Variants in NTM observed in about 807,000 individuals in gnomAD.
NTM encodes neurotrimin, also known as IgLON family member 2.
In NTM, 13 loss-of-function variants were observed where a neutral mutation model predicts 42.1. The ratio of observed to expected loss-of-function variants is 0.31; its 90% CI spans 0.20 to 0.49. The LOEUF is 0.49. Ranked by LOEUF, NTM falls within the 20% of genes least tolerant of loss-of-function variation. The pLI is 0.99. For missense variants in NTM, 373 were observed against 452.8 expected, an observed-to-expected ratio of 0.82 and a Z score of 1.60; for synonymous variants, 187 against 179.2, an observed-to-expected ratio of 1.04 and a Z score of -0.35.
chr11:132,069,877 G>C (rs1179573849), intron 2 of NTM, among the ~76,000 whole-genome samples: 1 of 148,916 alleles, frequency 6.7e-6, no homozygotes, highest in African/African-American at 2.5e-5. Context: ...ACGTCACACT[G>C]ACCGTCACAG....
chr11:132,138,254 ATCCTGCTT>A (rs2068338412), intron 2 of NTM, among the ~76,000 whole-genome samples: 1 of 152,202 alleles, frequency 6.6e-6, no homozygotes. Flanking sequence ...AAGCATGGAC[ATCCTGCTT>A]CCAGTACACA....
intron 3 of NTM, among the ~76,000 whole-genome samples, chr11:132,209,135 A>C (rs1230529867): frequency 6.6e-6 from 1 of 152,248 alleles, no homozygotes; most frequent in Non-Finnish European, 1.5e-5. Flanking sequence ...TGATCAATTT[A>C]AATGATTCCA....
intron 1 of NTM, among the ~76,000 whole-genome samples, chr11:131,380,351 G>A (rs986298986): frequency 2.6e-5 from 4 of 151,948 alleles, no homozygotes; most frequent in Middle Eastern, 3.4e-3. Flanking sequence ...GGGATTACAG[G>A]CATGTGCCAC....
At chr11:131,381,501 T>C (rs1273935109) in intron 1 of NTM, among the ~76,000 whole-genome samples, 1 of 152,258 alleles carries the variant, frequency 6.6e-6, no homozygotes, top group Admixed American at 6.5e-5. Flanking sequence ...TCCTTTTCCA[T>C]GAAAACTTCC....
chr11:131,973,410 G>A (rs2063842349), intron 2 of NTM, among the ~76,000 whole-genome samples: 1 of 152,228 alleles, frequency 6.6e-6, no homozygotes, highest in Admixed American at 6.5e-5. Context: ...GGCAAGACTG[G>A]TGAACCTTTA....
At chr11:131,647,894 G>T (rs956605839) in intron 1 of NTM, among the ~76,000 whole-genome samples, 7 of 152,152 alleles carry the variant, frequency 4.6e-5, no homozygotes, top group African/African-American at 1.7e-4. Context: ...ACATGTGCAG[G>T]TTTGTTAATA....
At chr11:132,085,838 G>A (rs1237716268) in intron 2 of NTM, among the ~76,000 whole-genome samples, 1 of 152,060 alleles carries the variant, frequency 6.6e-6, no homozygotes, top group Non-Finnish European at 1.5e-5. Flanking sequence ...GCTGTTTGTA[G>A]GCCCTGATAA....
intron 1 of NTM, among the ~76,000 whole-genome samples, chr11:131,609,585 G>A (rs2061307167): frequency 6.6e-6 from 1 of 152,160 alleles, no homozygotes; most frequent in South Asian, 2.1e-4. Context: ...GTCTTGATGG[G>A]GCAAGGCATT....
Position 132,257,655 on chromosome 11 carries a change from C to G in NTM, c.526+45508C>G, listed in dbSNP as rs1490094266. 3.9e-5 allele frequency among the ~76,000 whole-genome samples: 6 copies of G among 152,202 alleles called. No homozygotes were observed. The East Asian group carries it at 1.2e-3, about 29-fold the overall frequency. On this transcript the variant is annotated intron_variant, in intron 4 of 8. Transcript: ENST00000683400. ...GATAACTCTTCTTCACACTTGATCTCTTTCAATCCCCAGATTCTCATGAGA... is the reference window on the plus strand; with the variant it reads ...GATAACTCTTCTTCACACTTGATCTGTTTCAATCCCCAGATTCTCATGAGA...
intron 1 of NTM, among the ~76,000 whole-genome samples, chr11:131,839,062 G>A (rs1473442342): frequency 1.3e-5 from 2 of 151,434 alleles, no homozygotes; most frequent in Non-Finnish European, 2.9e-5. Flanking sequence ...CCGGGTTCAT[G>A]CGATTCTCCT....
chr11:131,899,773 TA>T (rs11324944), intron 1 of NTM, among the ~76,000 whole-genome samples: 57,043 of 152,024 alleles, frequency 0.38, 12,747 homozygotes, highest in African/African-American at 0.64. Context: ...CTTGATTTCT[TA>T]AGAGTTTTTT....
At chr11:132,132,850 A>G (rs971659694) in intron 2 of NTM, among the ~76,000 whole-genome samples, 1 of 152,212 alleles carries the variant, frequency 6.6e-6, no homozygotes, top group Non-Finnish European at 1.5e-5. Context: ...AATATGAACA[A>G]GCAAGCTGAG....
rs202007443 is a variant in NTM, at chr11:131,789,666, G to GA, written c.83-121895dup. On this transcript the variant is annotated intron_variant, in intron 1 of 8. Coordinates refer to ENST00000683400, the MANE Select transcript of NTM (RefSeq NM_001352005.2). ...AGAAGAAGAAGAAGAAGAAGAAGAA[G>GA]AAAGCATGGGCCGGGGGCGGTGGCT... Among the ~76,000 whole-genome samples the GA allele has an allele frequency of 2.5e-5, 3 of 119,866 alleles. 1 individual carries two copies. Among genetic ancestry groups the GA allele is most frequent in the African/African-American group, 9.4e-5 (3 of 32,080 alleles). 78.6% of individuals were successfully genotyped at this position (119,866 alleles called of 152,430 possible).
chr11:131,739,423 C>T (rs2080893767), intron 1 of NTM, among the ~76,000 whole-genome samples: 1 of 152,138 alleles, frequency 6.6e-6, no homozygotes, highest in South Asian at 2.1e-4. Context: ...TGAAAGGCCG[C>T]AGGGATAATG....
At chr11:131,593,772 G>T (rs1253187162) in intron 1 of NTM, among the ~76,000 whole-genome samples, 2 of 152,174 alleles carry the variant, frequency 1.3e-5, no homozygotes. Flanking sequence ...GCCTCACGAG[G>T]ATCATGTTTG....
intron 1 of NTM, among the ~76,000 whole-genome samples, chr11:131,541,987 A>C (rs891558850): frequency 6.6e-6 from 1 of 152,198 alleles, no homozygotes; most frequent in Non-Finnish European, 1.5e-5. Flanking sequence ...GTATATGTGT[A>C]ATAGAAGTGC....
chr11:131,740,097 T>C (rs544873800), intron 1 of NTM, among the ~76,000 whole-genome samples: 2 of 152,350 alleles, frequency 1.3e-5, no homozygotes, highest in East Asian at 1.9e-4. Flanking sequence ...AGTTTTCTTA[T>C]TTACAATACT....
intron 6 of NTM, 95 bp from the exon 7 acceptor site, chr11:132,314,457 G>T: frequency 1.5e-6 from 2 of 1,351,114 alleles, no homozygotes; most frequent in East Asian, 2.4e-5. Context: ...AGAAAGGGGG[G>T]CAAGGAGAAG....
intron 1 of NTM, among the ~76,000 whole-genome samples, chr11:131,390,855 C>T (rs1165585738): frequency 1.3e-5 from 2 of 152,148 alleles, no homozygotes; most frequent in Admixed American, 6.5e-5. Context: ...AAGAAGCCCT[C>T]TGCATGATTT....
Sources: gnomAD v4.1 joint callset for allele counts (sites outside exome capture counted in the v4.1 genomes callset) on GRCh38, gnomAD v4.1.1 for gene constraint, MANE v1.5 for transcripts, NCBI Gene and HGNC (gene_info 2026-07-23, HGNC 2026-07-21) for gene names.